Variants in ALG8 observed in about 807,000 individuals in gnomAD.
ALG8 encodes the protein ALG8 alpha-1,3-glucosyltransferase, also known as dolichyl pyrophosphate Glc1Man9GlcNAc2 alpha-1,3-glucosyltransferase.
Under a neutral mutation model 70.2 loss-of-function variants are expected in ALG8, and 48 were observed. That is an observed-to-expected ratio of 0.68 (90% CI 0.54 to 0.87). The LOEUF (loss-of-function observed/expected upper bound fraction) is 0.87. ALG8 is among the 40% of genes least tolerant of loss of function. The pLI, the probability that ALG8 is intolerant of heterozygous loss-of-function variation, is 0.00. For missense variants in ALG8, 572 were observed against 608.7 expected, an observed-to-expected ratio of 0.94 and a Z score of 0.64; for synonymous variants, 234 against 229.0, an observed-to-expected ratio of 1.02 and a Z score of -0.20.
At chr11:78,110,616 T>C (rs1860243977) in intron 8 of ALG8, among the ~76,000 whole-genome samples, 2 of 152,150 alleles carry the variant, frequency 1.3e-5, no homozygotes, top group Non-Finnish European at 2.9e-5. Flanking sequence ...CCCCAGTACA[T>C]AGGAGCTCAA....
chr11:78,104,296 T>C (rs908476754), intron 11 of ALG8, 60 bp downstream of exon 11: 6 of 1,417,634 alleles, frequency 4.2e-6, no homozygotes, highest in Non-Finnish European at 4.8e-6. Flanking sequence ...TATTAATCTG[T>C]GGGCCTCGAT....
chr11:78,111,438 T>G (rs1294764506), intron 8 of ALG8, among the ~76,000 whole-genome samples: 4 of 152,206 alleles, frequency 2.6e-5, no homozygotes, highest in African/African-American at 4.8e-5. Flanking sequence ...AAATGACTTG[T>G]CAATGCCACA....
intron 12 of ALG8, among the ~76,000 whole-genome samples, chr11:78,102,648 G>A (rs1406253675): frequency 2.0e-5 from 3 of 152,090 alleles, no homozygotes; most frequent in African/African-American, 7.2e-5. Context: ...TGAACCATAA[G>A]CAAGCTTTAA....
Position 78,124,268 on chromosome 11 carries a change from T to C in ALG8, c.175-54A>G, listed in dbSNP as rs574778251. On this transcript the variant is annotated intron_variant, in intron 2 of 12. Transcript: ENST00000299626. ...TCCTAAATAACTGAATAAACAAAGATGGTGCAACGATTTAAAATTTTTCAT... is the reference window on the plus strand; with the variant it reads ...TCCTAAATAACTGAATAAACAAAGACGGTGCAACGATTTAAAATTTTTCAT... 14 of 1,570,230 alleles carry C rather than the reference T, an allele frequency of 8.9e-6. No individual in the cohort carries two copies. In the African/African-American group the frequency reaches 1.5e-4, roughly 17 times the overall value.
Position 78,139,599 on chromosome 11 carries a change from C to T in ALG8, c.-11G>A, listed in dbSNP as rs1172963087. On this transcript the variant is annotated 5_prime_UTR_variant, in exon 1 of 13. In the 5' UTR this introduces an upstream ATG that the reference lacks. Transcript: ENST00000299626. ...TGTGAGCGCCGCCATTGCTGCGGCA[C>T]CGCACGCTTCCCACCAACTTGATCC... 2 of 1,552,190 alleles carry T rather than the reference C, an allele frequency of 1.3e-6. No individual in the cohort carries two copies. Among genetic ancestry groups the T allele is most frequent in the Middle Eastern group, 1.7e-4 (1 of 5,838 alleles).
intron 2 of ALG8, among the ~76,000 whole-genome samples, chr11:78,126,623 G>A (rs1326145599): frequency 1.1e-4 from 16 of 151,922 alleles, no homozygotes; most frequent in Admixed American, 1.0e-3. Flanking sequence ...ATTACCTGAT[G>A]TCTACACATC....
chr11:78,109,496 G>A lies in ALG8; in HGVS notation c.984C>T (p.Val328=), dbSNP rs757467776. 1.2e-6 allele frequency: 2 copies of A among 1,614,022 alleles called. No individual in the cohort carries two copies. Among genetic ancestry groups the A allele is most frequent in the Admixed American group, 1.7e-5 (1 of 59,988 alleles). The part of the protein sequence containing the change: ...SGLVQQFQHT[V]LPSVTPLATL... Reference sequence around the variant, plus strand: ...TTGCCAAGGGAGTCACTGAGGGAAGGACTGTGTGTTGGAACTGCTGAACCA... The same window carrying A: ...TTGCCAAGGGAGTCACTGAGGGAAGAACTGTGTGTTGGAACTGCTGAACCA... The change falls in exon 9 of 13, where the codon GTC becomes GTT. Residue 328 remains valine (V), a synonymous_variant. Coordinates refer to ENST00000299626, the MANE Select transcript of ALG8 (RefSeq NM_024079.5).
chr11:78,110,153 A>G (rs1028171318), intron 8 of ALG8, among the ~76,000 whole-genome samples: 3 of 152,092 alleles, frequency 2.0e-5, no homozygotes, highest in Non-Finnish European at 4.4e-5. Flanking sequence ...TCCTAAATCA[A>G]TAAGCAGAAC....
At chr11:78,113,823 T>A in intron 7 of ALG8, 63 bp downstream of exon 7, 1 of 1,320,152 alleles carries the variant, frequency 7.6e-7, no homozygotes. Flanking sequence ...CTGGCTTTAT[T>A]AGGTTTTCTA....
intron 7 of ALG8, among the ~76,000 whole-genome samples, chr11:78,113,233 C>G (rs565640): frequency 0.22 from 33,164 of 152,090 alleles, 4,471 homozygotes; most frequent in African/African-American, 0.38. Flanking sequence ...TGTCTGCTGT[C>G]CATGTAAGAC....
In ALG8 at chr11:78,127,361, A is replaced by G; in HGVS notation, c.171T>C (p.Tyr57=). 1 of 1,612,026 alleles carries G rather than the reference A, an allele frequency of 6.2e-7. No individual in the cohort carries two copies. Among genetic ancestry groups the G allele is most frequent in the Non-Finnish European group, 8.5e-7 (1 of 1,178,244 alleles). Residue 57 remains tyrosine (Y), a synonymous_variant, in exon 2 of 13, where the codon TAT becomes TAC. Transcript: ENST00000299626. ...AAAGGTGAAAATTAAAACTTACCTC[A>G]TAATACCACTGTGATATTGGCAAAC... is the stretch of plus-strand genomic sequence containing the variant. ...THSLPISQWY[Y]EATSEWTLDY...
In ALG8 at chr11:78,112,732, G is replaced by T; in HGVS notation, c.816C>A (p.Phe272Leu). ...LPQVFSRLFP[F>L]KRGLCHAYWA... is the part of the protein sequence containing the mutation. Reference sequence around the variant, plus strand: ...AATATGCATGACAGAGGCCCCTCTTGAAAGGAAAGAGTCGGGAAAAGACTT... The same window carrying T: ...AATATGCATGACAGAGGCCCCTCTTTAAAGGAAAGAGTCGGGAAAAGACTT... Residue 272 changes from phenylalanine to leucine, a missense_variant, in exon 8 of 13, where the codon TTC (phenylalanine) becomes TTA (leucine). Transcript: ENST00000299626. 6.2e-7 allele frequency: 1 copy of T among 1,614,002 alleles called. No individual in the cohort carries two copies. The highest frequency in any genetic ancestry group is 1.1e-5 in the South Asian group (1 of 91,076).
intron 2 of ALG8, among the ~76,000 whole-genome samples, chr11:78,125,671 G>A (rs1861035993): frequency 6.6e-6 from 1 of 151,960 alleles, no homozygotes; most frequent in East Asian, 1.9e-4. Context: ...CAGCTACTCA[G>A]GAGGCTAAGG....
At chr11:78,110,035 C>T (rs1044629999) in intron 8 of ALG8, among the ~76,000 whole-genome samples, 1 of 152,218 alleles carries the variant, frequency 6.6e-6, no homozygotes, top group African/African-American at 2.4e-5. Flanking sequence ...GGCTTGGCCA[C>T]AATGAAGTAA....
chr11:78,138,823 C>G (rs1008450219), intron 1 of ALG8: 1 of 456,260 alleles, frequency 2.2e-6, no homozygotes, highest in Non-Finnish European at 4.4e-6. Context: ...CCTGTGTTAT[C>G]TGTCCCCAGT....
At chr11:78,120,043 A>G (rs1290794884) in intron 4 of ALG8, among the ~76,000 whole-genome samples, 2 of 152,124 alleles carry the variant, frequency 1.3e-5, no homozygotes, top group Non-Finnish European at 2.9e-5. Context: ...CGGACACTGC[A>G]GTGAGCTGAG....
intron 8 of ALG8, 98 bp downstream of exon 8, chr11:78,112,552 A>G: frequency 6.4e-7 from 1 of 1,561,982 alleles, no homozygotes; most frequent in Non-Finnish European, 8.7e-7. Flanking sequence ...AGAACAAACA[A>G]TTCAGCCACA....
chr11:78,113,510 C>T (rs991100209), intron 7 of ALG8, among the ~76,000 whole-genome samples: 4 of 151,896 alleles, frequency 2.6e-5, no homozygotes, highest in African/African-American at 4.8e-5. Context: ...GTCAGAAGTT[C>T]GAGTCCAGCC....
At chr11:78,117,411 A>G (rs182678719) in intron 5 of ALG8, among the ~76,000 whole-genome samples, 1 of 152,260 alleles carries the variant, frequency 6.6e-6, no homozygotes, top group East Asian at 1.9e-4. Context: ...AGTTTACTCA[A>G]TAAGATATAT....
Sources: allele counts gnomAD v4.1 joint callset (sites outside exome capture counted in the v4.1 genomes callset), GRCh38; gene constraint gnomAD v4.1.1; transcripts MANE v1.5; gene names NCBI Gene and HGNC (gene_info 2026-07-23, HGNC 2026-07-21).